ZCCHC14: variants seen among roughly 807,000 people sequenced by gnomAD.
The protein encoded by ZCCHC14 is zinc finger CCHC-type containing 14, also known as zinc finger CCHC domain-containing protein 14.
Under a neutral mutation model 85.0 loss-of-function variants are expected in ZCCHC14, and 16 were observed. The ratio of observed to expected loss-of-function variants is 0.19; its 90% CI spans 0.13 to 0.29. ZCCHC14 has a LOEUF of 0.29. Ranked by LOEUF, ZCCHC14 falls within the 10% of genes least tolerant of loss-of-function variation. The pLI is 1.00. For synonymous variants in ZCCHC14, 775 were observed against 630.7 expected, an observed-to-expected ratio of 1.23 and a Z score of -3.43; for missense variants, 1,303 against 1,443.5, an observed-to-expected ratio of 0.90 and a Z score of 1.58.
chr16:87,469,546 G>A (rs1195486744), intron 1 of ZCCHC14, among the ~76,000 whole-genome samples: 1 of 152,206 alleles, frequency 6.6e-6, no homozygotes, highest in Non-Finnish European at 1.5e-5. Flanking sequence ...ACTATGGGAT[G>A]GAAATAATGG....
chr16:87,458,314 C>G (rs546314590), intron 2 of ZCCHC14, among the ~76,000 whole-genome samples: 7 of 152,254 alleles, frequency 4.6e-5, no homozygotes, highest in African/African-American at 1.7e-4. Flanking sequence ...GAGGGACTCC[C>G]TGCAATTCCG....
chr16:87,422,910 G>C (rs560316520), intron 4 of ZCCHC14, among the ~76,000 whole-genome samples: 2 of 152,152 alleles, frequency 1.3e-5, no homozygotes, highest in Non-Finnish European at 1.5e-5. Flanking sequence ...ATTCCCGGGG[G>C]GGGGTGTGTG....
intron 4 of ZCCHC14, among the ~76,000 whole-genome samples, chr16:87,421,754 A>C (rs1399323689): frequency 6.6e-6 from 1 of 152,196 alleles, no homozygotes; most frequent in Non-Finnish European, 1.5e-5. Flanking sequence ...CCTGAGGGTA[A>C]CAGAGGCAGC....
At chr16:87,455,110 G>T (rs1390824057) in intron 2 of ZCCHC14, among the ~76,000 whole-genome samples, 3 of 152,224 alleles carry the variant, frequency 2.0e-5, no homozygotes, top group African/African-American at 7.2e-5. Flanking sequence ...CCAACATGGA[G>T]AAACCCCATC....
intron 1 of ZCCHC14, among the ~76,000 whole-genome samples, chr16:87,487,776 C>A (rs1285283619): frequency 3.9e-5 from 6 of 152,260 alleles, no homozygotes; most frequent in South Asian, 2.1e-4. Context: ...AGCTCGGCCT[C>A]TTCACACAGG....
At chr16:87,445,778 T>C (rs9932551) in intron 2 of ZCCHC14, among the ~76,000 whole-genome samples, 25,484 of 152,196 alleles carry the variant, frequency 0.17, 7,120 homozygotes, top group African/African-American at 0.58. Flanking sequence ...ACAAACATTT[T>C]TCCAGAACAG....
intron 1 of ZCCHC14, among the ~76,000 whole-genome samples, chr16:87,489,786 G>C (rs1019021560): frequency 6.6e-6 from 1 of 152,182 alleles, no homozygotes; most frequent in African/African-American, 2.4e-5. Context: ...AGACATTTTT[G>C]TTCTAGATTT....
At chr16:87,415,916 G>A (rs1908758101) in intron 8 of ZCCHC14, among the ~76,000 whole-genome samples, 1 of 151,872 alleles carries the variant, frequency 6.6e-6, no homozygotes, top group South Asian at 2.1e-4. Context: ...CTCTTATTTT[G>A]TTTTTGTTTG....
chr16:87,487,398 C>T (rs781184669), intron 1 of ZCCHC14, among the ~76,000 whole-genome samples: 9 of 152,212 alleles, frequency 5.9e-5, no homozygotes, highest in East Asian at 1.9e-4. Flanking sequence ...GCAGCTCAGG[C>T]GGGGCCCCGC....
rs148587523 is a variant in ZCCHC14 at position 87,420,707 on chromosome 16, G to C, written c.850C>G (p.Leu284Val). 1.2e-6 allele frequency: 2 copies of C among 1,612,186 alleles called. No individual in the cohort carries two copies. The highest frequency in any genetic ancestry group is 1.7e-6 in the Non-Finnish European group (2 of 1,179,066). The change falls in exon 5 of 13, where the codon CTC (leucine) becomes GTC (valine). Residue 284 changes from leucine to valine, a missense_variant. Coordinates refer to ENST00000671377, the MANE Select transcript of ZCCHC14 (RefSeq NM_015144.3). This position sits in a 1 kb window ranked among gnomAD's most constrained non-coding sequence, Gnocchi z 5.0. ...TTCTCCAAGTTCTCTTCAGGATAGA[G>C]CTGACATAGCTGGAAGAGAGGACAA... ...VTEFISKLCQLYPEENLEKLI... is the reference protein window; with the variant it reads ...VTEFISKLCQVYPEENLEKLI...
intron 2 of ZCCHC14, among the ~76,000 whole-genome samples, chr16:87,443,964 G>T (rs750732394): frequency 1.1e-4 from 17 of 150,582 alleles, no homozygotes; most frequent in African/African-American, 3.7e-4. Flanking sequence ...TTGAACCTGG[G>T]AGGCGGAGAT....
intron 2 of ZCCHC14, among the ~76,000 whole-genome samples, chr16:87,439,506 C>T (rs1277956831): frequency 1.3e-5 from 2 of 152,126 alleles, no homozygotes; most frequent in Admixed American, 6.5e-5. Flanking sequence ...GTGCGATTTC[C>T]AAAGTAAAGC....
In ZCCHC14 at chr16:87,412,623, G is replaced by A. The variant is rs750429747; in HGVS notation, c.2098C>T (p.Leu700=). Residue 700 remains leucine (L), a synonymous_variant, in exon 12 of 13, where the codon CTG becomes TTG. Transcript: ENST00000671377. ...GGCTGGTGGGGTGCGGACGCGGGCA[G>A]CACGTCCATCATGGCGCTGCCAAAG... The part of the protein sequence containing the change: ...KSFGSAMMDV[L]PASAPHQPVQ... 4 of 1,614,192 alleles carry A rather than the reference G, an allele frequency of 2.5e-6. No homozygotes were observed. Among genetic ancestry groups the A allele is most frequent in the Non-Finnish European group, 3.4e-6 (4 of 1,180,040 alleles).
At chr16:87,423,676 TG>T in intron 4 of ZCCHC14, 133 bp downstream of exon 4, 1 of 937,186 alleles carries the variant, frequency 1.1e-6, no homozygotes, top group Non-Finnish European at 1.6e-6. Flanking sequence ...CCACTGTGGC[TG>T]GGCAGGAGGC....
rs1912849004 is a variant in ZCCHC14 at position 87,492,925 on chromosome 16, GGCGA to G, written c.-691_-688del. The stretch of plus-strand genomic sequence containing the variant: ...GCCCGAGCGCGGCGGCGGCGGCGAC[GGCGA>G]CGGCGACGGCGACGGCGACGGCGGA... On this transcript the variant is annotated 5_prime_UTR_variant, in exon 1 of 13. Coordinates refer to ENST00000671377, the MANE Select transcript of ZCCHC14 (RefSeq NM_015144.3). This position sits in a 1 kb window ranked among gnomAD's most constrained non-coding sequence, Gnocchi z 6.7. Among the ~76,000 whole-genome samples, 3 of 142,808 alleles carry G rather than the reference GGCGA, an allele frequency of 2.1e-5. No individual in the cohort carries two copies. Among genetic ancestry groups the G allele is most frequent in the Non-Finnish European group, 4.5e-5 (3 of 66,674 alleles). 93.7% of individuals were successfully genotyped at this position (142,808 alleles called of 152,430 possible). A position where few individuals can be genotyped will look rare whatever the true frequency, so the allele number is the denominator to read the frequency against.
chr16:87,414,636 G>A (rs890604956), intron 9 of ZCCHC14, 95 bp from the exon 10 acceptor site: 7 of 1,483,492 alleles, frequency 4.7e-6, no homozygotes, highest in African/African-American at 2.8e-5. Flanking sequence ...ACCACAGGGC[G>A]GCTTTGATAC....
At chr16:87,456,478 AG>A (rs1441283045) in intron 2 of ZCCHC14, among the ~76,000 whole-genome samples, 3 of 128,316 alleles carry the variant, frequency 2.3e-5, no homozygotes, top group Non-Finnish European at 4.7e-5. Flanking sequence ...GGTTGCAGTG[AG>A]CTGTGATTGC....
chr16:87,423,354 A>G (rs944652906), intron 4 of ZCCHC14, among the ~76,000 whole-genome samples: 1 of 152,206 alleles, frequency 6.6e-6, no homozygotes, highest in Non-Finnish European at 1.5e-5. Flanking sequence ...ACCACAACCC[A>G]GCCTGGGCGA....
chr16:87,450,243 T>C (rs777017805), intron 2 of ZCCHC14, among the ~76,000 whole-genome samples: 1 of 152,240 alleles, frequency 6.6e-6, no homozygotes, highest in Admixed American at 6.5e-5. Flanking sequence ...TTCTTAAGAC[T>C]TGCAGTTAAA....
Sources: allele counts gnomAD v4.1 joint callset (sites outside exome capture counted in the v4.1 genomes callset), GRCh38; gene constraint gnomAD v4.1.1; non-coding constraint Gnocchi (gnomAD v3.1); transcripts MANE v1.5; gene names NCBI Gene and HGNC (gene_info 2026-07-23, HGNC 2026-07-21).